Variants in SLF1 observed in about 807,000 individuals in gnomAD.
The protein encoded by SLF1 is SMC5-SMC6 complex localization factor protein 1.
A neutral mutation model predicts 123.0 loss-of-function variants in SLF1; 105 were observed. That is an observed-to-expected ratio of 0.85 (90% CI 0.73 to 1.00). The LOEUF is 1.00. SLF1 is among the 50% of genes least tolerant of loss of function. The pLI is 0.00. For synonymous variants in SLF1, 434 were observed against 406.6 expected (o/e 1.07, Z -0.81); for missense variants, 1,239 against 1,223.0 (o/e 1.01, Z -0.20).
intron 1 of SLF1, among the ~76,000 whole-genome samples, chr5:94,625,861 G>A (rs938513734): frequency 6.6e-6 from 1 of 152,018 alleles, no homozygotes; most frequent in African/African-American, 2.4e-5. Flanking sequence ...TCTAACAACA[G>A]CATATTCTTC....
At chr5:94,639,297 C>T (rs1746181586) in intron 4 of SLF1, among the ~76,000 whole-genome samples, 1 of 152,158 alleles carries the variant, frequency 6.6e-6, no homozygotes, top group Admixed American at 6.5e-5. Flanking sequence ...ACCTTGGCCT[C>T]CCAAAGTGCT....
At chr5:94,678,340 A>G (rs897929309) in intron 14 of SLF1, 5 of 152,690 alleles carry the variant, frequency 3.3e-5, no homozygotes, top group African/African-American at 1.2e-4. Context: ...CTTGTTTACT[A>G]GAACTTTTAT....
chr5:94,643,124 C>A, intron 4 of SLF1, 149 bp from the exon 5 acceptor site: 1 of 520,200 alleles, frequency 1.9e-6, no homozygotes, highest in Non-Finnish European at 3.3e-6. Context: ...GAAATTGCAG[C>A]CGTGTTCTCT....
At chr5:94,638,818 T>C (rs1012374140) in intron 4 of SLF1, among the ~76,000 whole-genome samples, 5 of 152,200 alleles carry the variant, frequency 3.3e-5, no homozygotes, top group Admixed American at 1.3e-4. Flanking sequence ...ATAGCCACTT[T>C]AGCACTCCTT....
At position 94,662,310 on chromosome 5, in the gene SLF1, A is replaced by G; in HGVS notation, c.1168A>G (p.Asn390Asp). 6.5e-7 allele frequency: 1 copy of G among 1,549,406 alleles called. No homozygotes were observed. The highest frequency in any genetic ancestry group is 2.5e-5 in the East Asian group (1 of 40,790). Residue 390 changes from asparagine (N) to aspartate (D), a missense_variant, in exon 10 of 21, where the codon AAC (asparagine) becomes GAC (aspartate). Asn to Asp is a conservative substitution (Grantham distance 23). Coordinates refer to ENST00000265140, the MANE Select transcript of SLF1 (RefSeq NM_032290.4). ...TGCTCTTTTGTAGGCTGTCAGATACAACTGCATTAGAATAGATAAACAACC... is the reference window on the plus strand; with the variant it reads ...TGCTCTTTTGTAGGCTGTCAGATACGACTGCATTAGAATAGATAAACAACC... Reference protein sequence around the residue: ...HIYRAQAVRYNCIRIDKQPVY... With the variant: ...HIYRAQAVRYDCIRIDKQPVY...
intron 15 of SLF1, among the ~76,000 whole-genome samples, chr5:94,683,712 A>G (rs1365043259): frequency 2.6e-5 from 4 of 152,220 alleles, no homozygotes; most frequent in Non-Finnish European, 5.9e-5. Flanking sequence ...AGAAGGGTTA[A>G]GGGAGTTTGT....
At chr5:94,672,491 C>T (rs991860652) in intron 14 of SLF1, among the ~76,000 whole-genome samples, 1 of 151,732 alleles carries the variant, frequency 6.6e-6, no homozygotes, top group Non-Finnish European at 1.5e-5. Context: ...CTGTCCTCCT[C>T]TTTCTCCCTC....
Position 94,651,730 on chromosome 5 carries a change from A to T in SLF1, c.767A>T (p.Asn256Ile), listed in dbSNP as rs558256856. The change falls in exon 7 of 21, where the codon AAT becomes ATT. Residue 256 changes from asparagine (N) to isoleucine (I), a missense_variant. By Grantham distance (149) the Asn-to-Ile change is moderately radical. Coordinates refer to ENST00000265140, the MANE Select transcript of SLF1 (RefSeq NM_032290.4). ...QKEMQNHEDVNVGSILIQHHK... is the reference protein window; with the variant it reads ...QKEMQNHEDVIVGSILIQHHK... Reference sequence around the variant, plus strand: ...GAAATGCAAAATCATGAAGATGTTAATGTTGGTTCTATTTTGATTCAACAT... The same window carrying T: ...GAAATGCAAAATCATGAAGATGTTATTGTTGGTTCTATTTTGATTCAACAT... 16 of 1,522,176 alleles carry T rather than the reference A, an allele frequency of 1.1e-5. No individual in the cohort carries two copies. Among genetic ancestry groups the T allele is most frequent in the African/African-American group, 5.6e-5 (4 of 71,306 alleles). The allele number at this position is 1,522,176 out of a possible 1,614,324, so 94.3% of individuals were successfully genotyped here.
At chr5:94,634,309 A>G (rs1745515596) in intron 4 of SLF1, among the ~76,000 whole-genome samples, 1 of 151,988 alleles carries the variant, frequency 6.6e-6, no homozygotes, top group South Asian at 2.1e-4. Context: ...AACATTTCCT[A>G]TTCCCCCACC....
At chr5:94,654,496 A>G (rs1748143879) in intron 8 of SLF1, 134 bp from the exon 9 acceptor site, 1 of 499,040 alleles carries the variant, frequency 2.0e-6, no homozygotes, top group East Asian at 4.4e-5. Context: ...TAATCTTGAT[A>G]TATGATTGTG....
intron 4 of SLF1, among the ~76,000 whole-genome samples, chr5:94,641,869 G>A (rs1030495697): frequency 6.6e-6 from 1 of 152,168 alleles, no homozygotes; most frequent in Admixed American, 6.5e-5. Flanking sequence ...CAGTGGCCTG[G>A]GCAAGAGGGT....
chr5:94,630,302 A>G (rs1745064254), intron 3 of SLF1, among the ~76,000 whole-genome samples: 1 of 152,190 alleles, frequency 6.6e-6, no homozygotes, highest in Admixed American at 6.5e-5. Context: ...GTCATGGAAA[A>G]GATTACATAC....
chr5:94,651,579 C>G (rs568714946), intron 6 of SLF1, 123 bp from the exon 7 acceptor site: 1 of 655,860 alleles, frequency 1.5e-6, no homozygotes, highest in African/African-American at 1.9e-5. Flanking sequence ...TCTATTTAAC[C>G]TTGTATGTAT....
intron 1 of SLF1, among the ~76,000 whole-genome samples, chr5:94,619,676 G>C (rs909662904): frequency 6.6e-6 from 1 of 152,194 alleles, no homozygotes; most frequent in African/African-American, 2.4e-5. Flanking sequence ...ATGTGTGACA[G>C]ACAATGCACC....
At chr5:94,668,038 A>G (rs1278661236) in intron 12 of SLF1, among the ~76,000 whole-genome samples, 1 of 152,050 alleles carries the variant, frequency 6.6e-6, no homozygotes, top group Admixed American at 6.5e-5. Flanking sequence ...ATGAGCCACC[A>G]TGCCTCACTG....
rs1406109323 is a variant in SLF1 at position 94,653,581 on chromosome 5, T to C, written c.1032+160T>C. 3.3e-5 allele frequency among the ~76,000 whole-genome samples: 5 copies of C among 152,294 alleles called. No individual in the cohort carries two copies. In the East Asian group the frequency reaches 7.7e-4, roughly 24 times the overall value. ...CCAGTTAACTTTGGTTCACAGTAAATGTACTTGTACATGCATATACAAAGA... is the reference window on the plus strand; with the variant it reads ...CCAGTTAACTTTGGTTCACAGTAAACGTACTTGTACATGCATATACAAAGA... On this transcript the variant is annotated intron_variant, in intron 8 of 20. Coordinates refer to ENST00000265140, the MANE Select transcript of SLF1 (RefSeq NM_032290.4).
intron 11 of SLF1, 97 bp downstream of exon 11, chr5:94,664,005 G>C: frequency 6.5e-6 from 8 of 1,238,668 alleles, no homozygotes; most frequent in Non-Finnish European, 8.6e-6. Context: ...TATTTTCCCT[G>C]TTCAGTGTTT....
intron 1 of SLF1, among the ~76,000 whole-genome samples, chr5:94,622,342 A>C (rs1223259646): frequency 2.0e-5 from 3 of 152,184 alleles, no homozygotes; most frequent in African/African-American, 7.2e-5. Context: ...GTTTGCTGTA[A>C]AAGTAGGTTT....
chr5:94,627,622 C>CTATATATATATATATATATA (rs1554061301), intron 1 of SLF1, among the ~76,000 whole-genome samples: 2 of 60,578 alleles, frequency 3.3e-5, no homozygotes, highest in Admixed American at 1.6e-4. Context: ...ATATATATAG[C>CTATATATATATATATATATA]AAAGTTAAGA....
Sources: allele counts gnomAD v4.1 joint callset (sites outside exome capture counted in the v4.1 genomes callset), GRCh38; gene constraint gnomAD v4.1.1; transcripts MANE v1.5; gene names NCBI Gene and HGNC (gene_info 2026-07-23, HGNC 2026-07-21).